Variants in MMS22L observed in about 807,000 individuals in gnomAD.
MMS22L encodes the protein protein MMS22-like.
MMS22L carries 74 observed loss-of-function variants against 159.1 expected under a neutral mutation model. The observed-to-expected ratio is 0.47, with a 90% CI of 0.39 to 0.56. MMS22L has a LOEUF of 0.56. MMS22L is among the 20% of genes least tolerant of loss of function. MMS22L has a pLI of 0.00. For synonymous variants in MMS22L, 517 were observed against 506.9 expected (o/e 1.02, Z -0.27); for missense variants, 1,351 against 1,422.1 (o/e 0.95, Z 0.80).
chr6:97,194,009 C>G (rs1049558048), intron 14 of MMS22L, among the ~76,000 whole-genome samples: 2 of 152,064 alleles, frequency 1.3e-5, no homozygotes, highest in Admixed American at 6.6e-5. Context: ...GATCTGCCCA[C>G]CTTGGCCTCC....
chr6:97,204,975 A>T (rs1432426785), intron 14 of MMS22L, among the ~76,000 whole-genome samples: 7 of 110,296 alleles, frequency 6.3e-5, no homozygotes, highest in African/African-American at 2.6e-4. Context: ...ATGGAGTCTC[A>T]CTCTGCTGCC....
Position 97,201,509 on chromosome 6 carries a change from A to G in MMS22L, c.2040-14819T>C, listed in dbSNP as rs185869629. Among the ~76,000 whole-genome samples the G allele has an allele frequency of 2.6e-4, 39 of 152,362 alleles. No homozygotes were observed. In the East Asian group the frequency reaches 7.1e-3, roughly 28 times the overall value. On this transcript the variant is annotated intron_variant, in intron 14 of 24. Transcript: ENST00000683635. The stretch of plus-strand genomic sequence containing the variant: ...TCACTGTTAGACCCAATAGTTTATT[A>G]GATCGAACCCACCATCAACAATGTC...
Position 97,272,785 on chromosome 6 carries a change from A to G in MMS22L, c.525T>C (p.His175=). 1 of 1,614,090 alleles carries G rather than the reference A, an allele frequency of 6.2e-7. No individual in the cohort carries two copies. The highest frequency in any genetic ancestry group is 8.5e-7 in the Non-Finnish European group (1 of 1,179,946). Residue 175 remains histidine (H), a synonymous_variant, in exon 6 of 25, where the codon CAT becomes CAC. Transcript: ENST00000683635. The part of the protein sequence containing the change: ...QLPSVLIDEL[H]GLLLYIGHLS... ...GGTGTCCAATATACAAGAGTAATCC[A>G]TGAAGCTCATCAATCAACACTGAGG...
At chr6:97,235,437 G>A (rs1283974797) in intron 11 of MMS22L, among the ~76,000 whole-genome samples, 1 of 152,126 alleles carries the variant, frequency 6.6e-6, no homozygotes, top group Non-Finnish European at 1.5e-5. Context: ...AATGATAAAA[G>A]GATCCATAAC....
rs976703584 is a variant in MMS22L at position 97,279,390 on chromosome 6, A to T, written c.291-492T>A. Among the ~76,000 whole-genome samples the T allele has an allele frequency of 2.0e-5, 3 of 152,208 alleles. No individual in the cohort carries two copies. The South Asian group carries it at 6.2e-4, about 31-fold the overall frequency. ...TCCCAGCTACTCGGGAGGCTGAGGC[A>T]GGAGAATGGTGTGAACCCAGGAGCT... On this transcript the variant is annotated intron_variant, in intron 3 of 24. Coordinates refer to ENST00000683635, the MANE Select transcript of MMS22L (RefSeq NM_001350599.2).
chr6:97,277,880 A>C (rs1213669343), intron 4 of MMS22L, among the ~76,000 whole-genome samples: 1 of 152,158 alleles, frequency 6.6e-6, no homozygotes, highest in African/African-American at 2.4e-5. Context: ...TGTTTGACCA[A>C]AAGTGTTCCA....
intron 23 of MMS22L, chr6:97,151,554 G>C (rs1023850573): frequency 4.3e-6 from 2 of 462,970 alleles, no homozygotes; most frequent in Non-Finnish European, 7.9e-6. Context: ...AAATTCACAG[G>C]TAATTTTAAG....
Position 97,254,640 on chromosome 6 carries a change from C to T in MMS22L, c.1036G>A (p.Asp346Asn). Residue 346 changes from aspartate (D) to asparagine (N), a missense_variant, in exon 10 of 25, where the codon GAT becomes AAT. Coordinates refer to ENST00000683635, the MANE Select transcript of MMS22L (RefSeq NM_001350599.2). ...ATCCACCAACTAAAACCTAATGGAT[C>T]CCTGGACTGGATTACAGGCATAGAG... ...RSSMPVIQSR[D>N]PLGFSWWIIT... 1 of 1,613,542 alleles carries T rather than the reference C, an allele frequency of 6.2e-7. No homozygotes were observed. The highest frequency in any genetic ancestry group is 8.5e-7 in the Non-Finnish European group (1 of 1,179,708).
At chr6:97,258,844 A>C (rs1814115705) in intron 9 of MMS22L, 1 of 152,234 alleles carries the variant, frequency 6.6e-6, no homozygotes, top group Admixed American at 6.5e-5. Flanking sequence ...ACCTGGGTTA[A>C]CATTGCCAAT....
At chr6:97,166,922 C>T (rs1344237305) in intron 20 of MMS22L, among the ~76,000 whole-genome samples, 4 of 152,020 alleles carry the variant, frequency 2.6e-5, no homozygotes, top group Admixed American at 1.3e-4. Context: ...ATTTTAAATG[C>T]TATTATGAAT....
At chr6:97,218,908 G>A (rs1809317047) in intron 14 of MMS22L, among the ~76,000 whole-genome samples, 1 of 152,168 alleles carries the variant, frequency 6.6e-6, no homozygotes, top group African/African-American at 2.4e-5. Context: ...AATTTAAACT[G>A]TCACACATAG....
At chr6:97,221,738 C>T (rs917291294) in intron 14 of MMS22L, among the ~76,000 whole-genome samples, 1 of 152,004 alleles carries the variant, frequency 6.6e-6, no homozygotes. Context: ...CAAATAAAAA[C>T]TGGTAATAGA....
At chr6:97,206,889 T>C (rs1807846873) in intron 14 of MMS22L, among the ~76,000 whole-genome samples, 2 of 152,252 alleles carry the variant, frequency 1.3e-5, no homozygotes, top group South Asian at 4.1e-4. Context: ...TGATTTAATA[T>C]AGTGGCAATT....
rs1474829988 is a variant in MMS22L, at chr6:97,189,107, A to G, written c.2040-2417T>C. Among the ~76,000 whole-genome samples the G allele has an allele frequency of 1.3e-5, 2 of 151,982 alleles. 1 individual carries two copies. The highest frequency in any genetic ancestry group is 2.9e-5 in the Non-Finnish European group (2 of 67,974). ...TTCTAACATTAGGAAAGACTATAAG[A>G]AGAGATGCTAGAAAACATGTATTCA... On this transcript the variant is annotated intron_variant, in intron 14 of 24. Transcript: ENST00000683635.
intron 22 of MMS22L, among the ~76,000 whole-genome samples, chr6:97,154,595 G>T (rs1801643492): frequency 6.6e-6 from 1 of 152,010 alleles, no homozygotes; most frequent in African/African-American, 2.4e-5. Flanking sequence ...CTGACACTTA[G>T]GTCTATGGTT....
In MMS22L at chr6:97,254,605, A is replaced by C; in HGVS notation, c.1071T>G (p.His357Gln). ...PLGFSWWIIT[H>Q]VASFYKFDRH... ...GATCAAACTTGTAAAATGATGCTACATGAGTAATAATCCACCAACTAAAAC... is the reference window on the plus strand; with the variant it reads ...GATCAAACTTGTAAAATGATGCTACCTGAGTAATAATCCACCAACTAAAAC... The change falls in exon 10 of 25, where the codon CAT (histidine) becomes CAG (glutamine). Residue 357 changes from histidine (H) to glutamine (Q), a missense_variant. By Grantham distance (24) the His-to-Gln change is conservative. Coordinates refer to ENST00000683635, the MANE Select transcript of MMS22L (RefSeq NM_001350599.2). 1 of 1,613,692 alleles carries C rather than the reference A, an allele frequency of 6.2e-7. No individual in the cohort carries two copies. The highest frequency in any genetic ancestry group is 2.2e-5 in the East Asian group (1 of 44,802).
intron 19 of MMS22L, among the ~76,000 whole-genome samples, chr6:97,170,929 C>T (rs1803479742): frequency 6.6e-6 from 1 of 152,060 alleles, no homozygotes; most frequent in Admixed American, 6.6e-5. Flanking sequence ...ATTGTTTAAA[C>T]CCAGAGGCAG....
At chr6:97,217,117 T>C (rs182961005) in intron 14 of MMS22L, among the ~76,000 whole-genome samples, 512 of 152,338 alleles carry the variant, frequency 3.4e-3, no homozygotes, top group Non-Finnish European at 5.2e-3. Flanking sequence ...AGAAAAATCA[T>C]ATTACTGGTA....
At chr6:97,173,591 C>T (rs1562417219) in intron 18 of MMS22L, among the ~76,000 whole-genome samples, 2 of 152,112 alleles carry the variant, frequency 1.3e-5, no homozygotes, top group Non-Finnish European at 1.5e-5. Context: ...TCCCAGATTA[C>T]TAGGAATTCA....
Sources: gnomAD v4.1 joint callset for allele counts (sites outside exome capture counted in the v4.1 genomes callset) on GRCh38, gnomAD v4.1.1 for gene constraint, MANE v1.5 for transcripts, NCBI Gene and HGNC (gene_info 2026-07-23, HGNC 2026-07-21) for gene names.